VSTM4: variants seen among roughly 807,000 people sequenced by gnomAD.
The protein encoded by VSTM4 is V-set and transmembrane domain containing 4.
In VSTM4, 20 loss-of-function variants were observed where a neutral mutation model predicts 36.4. That is an observed-to-expected ratio of 0.55 (90% confidence interval 0.39 to 0.80). The LOEUF (loss-of-function observed/expected upper bound fraction) is 0.80, where lower values mean the gene tolerates loss of function less well. VSTM4 is among the 30% of genes least tolerant of loss of function. The pLI, the probability that VSTM4 is intolerant of heterozygous loss-of-function variation, is 0.00. For missense variants in VSTM4, 392 were observed against 404.5 expected (o/e 0.97, Z 0.26); for synonymous variants, 182 against 173.9 (o/e 1.05, Z -0.37).
chr10:49,094,201 GC>G lies in VSTM4; in HGVS notation c.458-8179del, dbSNP rs574617146. 2.0e-5 allele frequency among the ~76,000 whole-genome samples: 3 copies of G among 152,298 alleles called. No homozygotes were observed. In the South Asian group the frequency reaches 6.2e-4, roughly 32 times the overall value. ...GCCCAGCAACAGTCCTTCCCCTGGAGCCTCAGAAGCAGTGGGGTTGCGCCAG... is the reference window on the plus strand; with the variant it reads ...GCCCAGCAACAGTCCTTCCCCTGGAGCTCAGAAGCAGTGGGGTTGCGCCAG... On this transcript the variant is annotated intron_variant, in intron 2 of 7. Coordinates refer to ENST00000332853, the MANE Select transcript of VSTM4 (RefSeq NM_001031746.5).
chr10:49,092,875 G>GCACACA (rs1844501151), intron 2 of VSTM4, among the ~76,000 whole-genome samples: 2 of 152,132 alleles, frequency 1.3e-5, no homozygotes, highest in Non-Finnish European at 2.9e-5. Flanking sequence ...CACACAGACA[G>GCACACA]GCACTGGTAT....
At chr10:49,102,556 T>C in intron 2 of VSTM4, 1 of 985,460 alleles carries the variant, frequency 1.0e-6, no homozygotes, top group Non-Finnish European at 1.2e-6. Context: ...ATGTTGCCAG[T>C]GGGAGAGCAC....
At chr10:49,038,302 A>G (rs1421680379) in intron 7 of VSTM4, among the ~76,000 whole-genome samples, 1 of 152,244 alleles carries the variant, frequency 6.6e-6, no homozygotes, top group Non-Finnish European at 1.5e-5. Flanking sequence ...ATTCTCACAC[A>G]CACAGCAACG....
Position 49,067,812 on chromosome 10 carries a change from C to T in VSTM4, c.635-3076G>A, listed in dbSNP as rs529936174. 1.7e-4 allele frequency among the ~76,000 whole-genome samples: 26 copies of T among 152,278 alleles called. No individual in the cohort carries two copies. In the South Asian group the frequency reaches 5.0e-3, roughly 29 times the overall value. On this transcript the variant is annotated intron_variant, in intron 4 of 7. Transcript: ENST00000332853. ...AGTTGGGCAGCTTGGCTCCAGAGCC[C>T]TCTTGTAACTATAGTCATCCCTCAT...
At chr10:49,038,638 G>A (rs1455709879) in intron 7 of VSTM4, among the ~76,000 whole-genome samples, 1 of 152,192 alleles carries the variant, frequency 6.6e-6, no homozygotes, top group African/African-American at 2.4e-5. Flanking sequence ...GGATGGGAAT[G>A]CCATGGGCTA....
intron 2 of VSTM4, chr10:49,102,782 G>T: frequency 1.0e-6 from 1 of 983,790 alleles, no homozygotes; most frequent in Non-Finnish European, 1.2e-6. Flanking sequence ...CATTCATCAA[G>T]TATCTATTGA....
chr10:49,022,300 T>C lies in VSTM4; in HGVS notation c.838-2525A>G, dbSNP rs538442235. Among the ~76,000 whole-genome samples the C allele has an allele frequency of 2.0e-5, 3 of 152,292 alleles. No homozygotes were observed. The East Asian group carries it at 5.8e-4, about 29-fold the overall frequency. On this transcript the variant is annotated intron_variant, in intron 7 of 7. Coordinates refer to ENST00000332853, the MANE Select transcript of VSTM4 (RefSeq NM_001031746.5). ...GTTTTGTTGTTGTTTGATGGACTTT[T>C]TAAAAAAAGTTTGTATGCCTATTTC...
At chr10:49,068,458 G>A (rs1181476203) in intron 4 of VSTM4, among the ~76,000 whole-genome samples, 1 of 152,122 alleles carries the variant, frequency 6.6e-6, no homozygotes, top group Non-Finnish European at 1.5e-5. Context: ...CAGGGTACAG[G>A]AGATGCACCC....
At chr10:49,034,802 A>G (rs1047309004) in intron 7 of VSTM4, among the ~76,000 whole-genome samples, 3 of 152,148 alleles carry the variant, frequency 2.0e-5, no homozygotes, top group Admixed American at 6.5e-5. Context: ...AGGACTGAAA[A>G]AGTCTTTTAA....
At chr10:49,027,652 T>C (rs989312820) in intron 7 of VSTM4, among the ~76,000 whole-genome samples, 6 of 152,192 alleles carry the variant, frequency 3.9e-5, no homozygotes, top group Non-Finnish European at 8.8e-5. Flanking sequence ...CTTCTGCCAC[T>C]ATGTTTTGTC....
chr10:49,093,634 C>T (rs1325578078), intron 2 of VSTM4, among the ~76,000 whole-genome samples: 1 of 152,106 alleles, frequency 6.6e-6, no homozygotes, highest in Non-Finnish European at 1.5e-5. Context: ...GCTTTAAAAT[C>T]CATCACTGTG....
chr10:49,104,146 A>C (rs982170871), intron 2 of VSTM4, among the ~76,000 whole-genome samples: 2 of 152,146 alleles, frequency 1.3e-5, no homozygotes, highest in Non-Finnish European at 2.9e-5. Flanking sequence ...TAAAAATACA[A>C]AAATGAGCTG....
chr10:49,034,406 G>T (rs1843396251), intron 7 of VSTM4, among the ~76,000 whole-genome samples: 1 of 152,196 alleles, frequency 6.6e-6, no homozygotes, highest in African/African-American at 2.4e-5. Context: ...TGCAATGTCG[G>T]CAATGGGCAC....
chr10:49,032,907 G>C (rs1843368606), intron 7 of VSTM4, among the ~76,000 whole-genome samples: 1 of 151,400 alleles, frequency 6.6e-6, no homozygotes, highest in South Asian at 2.1e-4. Context: ...TCTTCCATTG[G>C]TGAGGGTATG....
At chr10:49,113,555 G>C (rs1844935920) in intron 1 of VSTM4, among the ~76,000 whole-genome samples, 1 of 152,208 alleles carries the variant, frequency 6.6e-6, no homozygotes, top group Non-Finnish European at 1.5e-5. Context: ...GTAAGTGGCA[G>C]AGCTGGAATT....
In VSTM4 at chr10:49,077,788, A is replaced by G. The variant is rs745311981; in HGVS notation, c.527-462T>C. Among the ~76,000 whole-genome samples the G allele has an allele frequency of 5.9e-5, 9 of 152,340 alleles. No homozygotes were observed. In the South Asian group the frequency reaches 8.3e-4, roughly 14 times the overall value. On this transcript the variant is annotated intron_variant, in intron 3 of 7. Transcript: ENST00000332853. ...AGACTTGACACAAGAGGCACCGTCT[A>G]TATTAGTAAAACTTGACATACTATA... is the stretch of plus-strand genomic sequence containing the variant.
At chr10:49,088,524 C>T (rs1408085297) in intron 2 of VSTM4, among the ~76,000 whole-genome samples, 1 of 152,184 alleles carries the variant, frequency 6.6e-6, no homozygotes, top group African/African-American at 2.4e-5. Flanking sequence ...ATTGTGAGCC[C>T]TGAGATTGAA....
At chr10:49,070,803 C>T (rs577570179) in intron 4 of VSTM4, among the ~76,000 whole-genome samples, 22 of 152,340 alleles carry the variant, frequency 1.4e-4, no homozygotes, top group Admixed American at 9.8e-4. Context: ...CTGAGCCTCC[C>T]GGCACCCACT....
intron 5 of VSTM4, among the ~76,000 whole-genome samples, chr10:49,061,347 T>C (rs1421253792): frequency 6.6e-6 from 1 of 152,162 alleles, no homozygotes; most frequent in Non-Finnish European, 1.5e-5. Flanking sequence ...GAAAAAATAA[T>C]TGTTTTTTTA....
Sources: allele counts gnomAD v4.1 joint callset (sites outside exome capture counted in the v4.1 genomes callset), GRCh38; gene constraint gnomAD v4.1.1; transcripts MANE v1.5; gene names NCBI Gene and HGNC (gene_info 2026-07-23, HGNC 2026-07-21).